RANBP2: variants seen among roughly 807,000 people sequenced by gnomAD.
RANBP2 encodes RAN binding protein 2.
RANBP2 carries 57 observed loss-of-function variants against 303.6 expected under a neutral mutation model. The ratio of observed to expected loss-of-function variants is 0.19; its 90% confidence interval spans 0.15 to 0.23. The LOEUF (loss-of-function observed/expected upper bound fraction) is 0.23, where lower values mean the gene tolerates loss of function less well. Among genes scored for constraint, RANBP2 ranks in the 10% least tolerant of loss-of-function variants. The pLI is 1.00. For synonymous variants in RANBP2, 1,167 were observed against 1,301.5 expected, an observed-to-expected ratio of 0.90 and a Z score of 2.23; for missense variants, 3,138 against 3,780.8, an observed-to-expected ratio of 0.83 and a Z score of 4.46.
chr2:108,953,005 G>A, the RANBP2 span, among the ~76,000 whole-genome samples: 2 of 152,190 alleles, frequency 1.3e-5, no homozygotes, highest in Admixed American at 1.3e-4. Flanking sequence ...TTTAATTTTT[G>A]TGTGTATGTA....
chr2:109,374,841 C>T, the RANBP2 span, among the ~76,000 whole-genome samples: 2 of 152,232 alleles, frequency 1.3e-5, no homozygotes, highest in African/African-American at 2.4e-5. Context: ...CTCACCTGGC[C>T]TCAGCTTCCC....
chr2:109,348,943 A>G, the RANBP2 span, among the ~76,000 whole-genome samples: 1 of 152,038 alleles, frequency 6.6e-6, no homozygotes, highest in Non-Finnish European at 1.5e-5. Context: ...GCCTCACTGT[A>G]TTTTAGATGC....
chr2:109,557,421 A>G, the RANBP2 span, among the ~76,000 whole-genome samples: 6 of 152,302 alleles, frequency 3.9e-5, no homozygotes, highest in African/African-American at 1.4e-4. Flanking sequence ...CATTCTAAAT[A>G]AGAAAACTAA....
the RANBP2 span, among the ~76,000 whole-genome samples, chr2:109,071,009 C>T: frequency 6.6e-6 from 1 of 152,126 alleles, no homozygotes; most frequent in African/African-American, 2.4e-5. Flanking sequence ...GCAAATTAAA[C>T]CTCTTTTCTT....
At chr2:109,711,591 C>T in the RANBP2 span, among the ~76,000 whole-genome samples, 37 of 152,336 alleles carry the variant, frequency 2.4e-4, 1 homozygote, top group South Asian at 6.2e-3. Flanking sequence ...CCTCCTTCTA[C>T]GCTTTGATGC....
the RANBP2 span, among the ~76,000 whole-genome samples, chr2:109,239,588 C>T: frequency 3.9e-4 from 59 of 152,152 alleles, no homozygotes; most frequent in Middle Eastern, 3.4e-3. Flanking sequence ...TTTGCACACA[C>T]GAGACTGGGT....
At chr2:109,720,491 T>C in the RANBP2 span, among the ~76,000 whole-genome samples, 1 of 152,144 alleles carries the variant, frequency 6.6e-6, no homozygotes, top group African/African-American at 2.4e-5. Flanking sequence ...GACCTGAGTA[T>C]CAGAGCCTTT....
chr2:108,787,458 T>G (rs566395199), downstream of RANBP2, among the ~76,000 whole-genome samples: 1 of 152,352 alleles, frequency 6.6e-6, no homozygotes, highest in Non-Finnish European at 1.5e-5. Context: ...AAATAACTTG[T>G]GCATTTTTCC....
chr2:108,915,990 A>G, the RANBP2 span, among the ~76,000 whole-genome samples: 2 of 152,200 alleles, frequency 1.3e-5, no homozygotes, highest in African/African-American at 4.8e-5. Context: ...GTCAAACAAC[A>G]GAGCGTTCCC....
chr2:108,732,289 C>A (rs1390031272), intron 4 of RANBP2, among the ~76,000 whole-genome samples: 1 of 151,918 alleles, frequency 6.6e-6, no homozygotes. Flanking sequence ...TTCATTTTTC[C>A]CCAATGCTTA....
the RANBP2 span, among the ~76,000 whole-genome samples, chr2:109,575,731 C>G: frequency 6.6e-6 from 1 of 152,190 alleles, no homozygotes; most frequent in Non-Finnish European, 1.5e-5. Context: ...TGTCAAATTC[C>G]CTGGAAACCT....
chr2:109,404,234 C>G, the RANBP2 span, among the ~76,000 whole-genome samples: 1 of 152,188 alleles, frequency 6.6e-6, no homozygotes, highest in Non-Finnish European at 1.5e-5. Flanking sequence ...GAAATATCCA[C>G]TGTCAAGCTC....
the RANBP2 span, among the ~76,000 whole-genome samples, chr2:109,343,725 C>G: frequency 6.6e-6 from 1 of 150,880 alleles, no homozygotes; most frequent in East Asian, 1.9e-4. Context: ...TGCTTCTGCC[C>G]TGCTCCTGCC....
the RANBP2 span, among the ~76,000 whole-genome samples, chr2:109,692,522 C>T: frequency 1.3e-5 from 2 of 152,228 alleles, no homozygotes; most frequent in African/African-American, 4.8e-5. Context: ...GCTGAGAGGC[C>T]GTCTGCTTCT....
the RANBP2 span, among the ~76,000 whole-genome samples, chr2:109,398,065 T>C: frequency 6.6e-6 from 1 of 152,062 alleles, no homozygotes; most frequent in African/African-American, 2.4e-5. Flanking sequence ...GCTTCTGTGG[T>C]TTATGCTGAC....
chr2:109,648,247 G>A, the RANBP2 span, among the ~76,000 whole-genome samples: 1 of 152,204 alleles, frequency 6.6e-6, no homozygotes, highest in Non-Finnish European at 1.5e-5. Flanking sequence ...AGAACTCAAA[G>A]GCAGGAAGGA....
intron 1 of RANBP2, among the ~76,000 whole-genome samples, chr2:108,721,016 T>A (rs1694196783): frequency 6.6e-6 from 1 of 151,938 alleles, no homozygotes; most frequent in Admixed American, 6.6e-5. Context: ...GCTACTGCAC[T>A]CCAGCCTGGG....
At chr2:109,681,292 G>A in the RANBP2 span, among the ~76,000 whole-genome samples, 1 of 152,228 alleles carries the variant, frequency 6.6e-6, no homozygotes, top group Non-Finnish European at 1.5e-5. Flanking sequence ...CTGGAAAGGG[G>A]CGTCTAAGGA....
chr2:108,891,727 G>C, the RANBP2 span, among the ~76,000 whole-genome samples: 2 of 152,054 alleles, frequency 1.3e-5, no homozygotes, highest in African/African-American at 4.8e-5. Flanking sequence ...TGGGCAGCTG[G>C]CATAGCATGA....
Sources: allele counts gnomAD v4.1 joint callset (sites outside exome capture counted in the v4.1 genomes callset), GRCh38; gene constraint gnomAD v4.1.1; transcripts MANE v1.5; gene names NCBI Gene and HGNC (gene_info 2026-07-23, HGNC 2026-07-21).